SPOCK3: variants seen among roughly 807,000 people sequenced by gnomAD.
The protein encoded by SPOCK3 is testican-3.
Under a neutral mutation model 56.6 loss-of-function variants are expected in SPOCK3, and 30 were observed. The observed-to-expected ratio is 0.53, with a 90% CI of 0.40 to 0.72. The LOEUF (loss-of-function observed/expected upper bound fraction) is 0.72. Ranked by LOEUF, SPOCK3 falls within the 30% of genes least tolerant of loss-of-function variation. SPOCK3 has a pLI of 0.00. For missense variants in SPOCK3, 527 were observed against 530.0 expected (o/e 0.99, Z 0.06); for synonymous variants, 196 against 183.3 (o/e 1.07, Z -0.56).
rs184764406 is a variant in SPOCK3 at position 167,023,766 on chromosome 4, C to A, written c.236-23303G>T. Among the ~76,000 whole-genome samples, 18 of 152,068 alleles carry A rather than the reference C, an allele frequency of 1.2e-4. No individual in the cohort carries two copies. The East Asian group carries it at 3.5e-3, about 30-fold the overall frequency. On this transcript the variant is annotated intron_variant, in intron 3 of 10. Transcript: ENST00000357545. ...CTACTGGGACTTTGTATGTTTCCCA[C>A]GTGGAGAAATGGGCTAGAGAAAGGA...
At chr4:167,111,505 T>A (rs1208303495) in intron 2 of SPOCK3, among the ~76,000 whole-genome samples, 1 of 152,142 alleles carries the variant, frequency 6.6e-6, no homozygotes, top group African/African-American at 2.4e-5. Context: ...CTTAATTTTT[T>A]AAAATAACAA....
chr4:167,145,190 T>C (rs1480712508), intron 2 of SPOCK3, among the ~76,000 whole-genome samples: 1 of 152,052 alleles, frequency 6.6e-6, no homozygotes, highest in Non-Finnish European at 1.5e-5. Flanking sequence ...AAGGATTATT[T>C]TGTTTGTTTC....
chr4:167,084,288 G>A (rs1367515248), intron 2 of SPOCK3, among the ~76,000 whole-genome samples: 2 of 152,038 alleles, frequency 1.3e-5, no homozygotes, highest in East Asian at 3.9e-4. Flanking sequence ...CTCCAAACAG[G>A]AAATGTACAT....
intron 2 of SPOCK3, among the ~76,000 whole-genome samples, chr4:167,191,869 A>G (rs1331841943): frequency 6.9e-6 from 1 of 145,598 alleles, no homozygotes; most frequent in Non-Finnish European, 1.5e-5. Context: ...GATCTTAGGA[A>G]AAAAACCTTC....
chr4:166,919,680 T>A (rs1738271888), intron 4 of SPOCK3, among the ~76,000 whole-genome samples: 1 of 152,166 alleles, frequency 6.6e-6, no homozygotes. Context: ...CAAATGATCT[T>A]CATTGTATAA....
intron 4 of SPOCK3, among the ~76,000 whole-genome samples, chr4:166,967,284 T>C (rs924411292): frequency 6.6e-6 from 1 of 152,200 alleles, no homozygotes; most frequent in African/African-American, 2.4e-5. Flanking sequence ...GTACAGCTGG[T>C]TATCCAGTGC....
intron 2 of SPOCK3, among the ~76,000 whole-genome samples, chr4:167,091,304 T>C (rs1427636): frequency 0.028 from 4,250 of 152,272 alleles, 174 homozygotes; most frequent in African/African-American, 0.096. Context: ...CAAGTACTAA[T>C]AACATGCTAC....
intron 6 of SPOCK3, among the ~76,000 whole-genome samples, chr4:166,807,578 C>T (rs1422587230): frequency 6.6e-6 from 1 of 152,108 alleles, no homozygotes; most frequent in Non-Finnish European, 1.5e-5. Flanking sequence ...GAAGTCAAGA[C>T]CACTGCTGCC....
chr4:167,230,731 G>A (rs1400877705), intron 2 of SPOCK3, among the ~76,000 whole-genome samples: 2 of 151,996 alleles, frequency 1.3e-5, no homozygotes, highest in Non-Finnish European at 2.9e-5. Flanking sequence ...ATCCTTATCA[G>A]AATTTTTATA....
At chr4:167,037,184 G>A (rs1305543706) in intron 3 of SPOCK3, among the ~76,000 whole-genome samples, 1 of 152,054 alleles carries the variant, frequency 6.6e-6, no homozygotes, top group Non-Finnish European at 1.5e-5. Context: ...ACACTATGCA[G>A]GTAAAAGATT....
At chr4:166,743,246 T>C (rs1317641875) in intron 8 of SPOCK3, among the ~76,000 whole-genome samples, 2 of 152,058 alleles carry the variant, frequency 1.3e-5, no homozygotes, top group Non-Finnish European at 2.9e-5. Context: ...TAATATACTA[T>C]ATCTTATTGT....
At chr4:166,853,860 C>T (rs180951036) in intron 6 of SPOCK3, among the ~76,000 whole-genome samples, 15 of 151,072 alleles carry the variant, frequency 9.9e-5, no homozygotes, top group African/African-American at 2.2e-4. Context: ...CCACCCTGGG[C>T]GACAGAGGAA....
intron 3 of SPOCK3, among the ~76,000 whole-genome samples, chr4:167,032,075 C>G (rs1396412403): frequency 7.2e-6 from 1 of 139,448 alleles, no homozygotes; most frequent in Admixed American, 6.8e-5. Context: ...AACAGAAAAT[C>G]TGAATTTAGA....
chr4:167,152,830 T>C (rs1764530608), intron 2 of SPOCK3, among the ~76,000 whole-genome samples: 1 of 152,162 alleles, frequency 6.6e-6, no homozygotes. Context: ...AAAATATGTT[T>C]TTTAAAATTT....
At chr4:167,101,786 G>C (rs1180194662) in intron 2 of SPOCK3, among the ~76,000 whole-genome samples, 2 of 145,222 alleles carry the variant, frequency 1.4e-5, no homozygotes, top group African/African-American at 5.1e-5. Context: ...GCAGTGATGC[G>C]ATCTTGGCTC....
Position 166,885,961 on chromosome 4 carries a change from G to T in SPOCK3, c.589+3169C>A, listed in dbSNP as rs561873740. On this transcript the variant is annotated intron_variant, in intron 6 of 10. Coordinates refer to ENST00000357545, the MANE Select transcript of SPOCK3 (RefSeq NM_001040159.2). The stretch of plus-strand genomic sequence containing the variant: ...AAGTTTACTGTGCTTATGTACCATT[G>T]TTGTGTAGACAATTTAAGATTTGTC... Among the ~76,000 whole-genome samples the T allele has an allele frequency of 1.4e-3, 211 of 152,208 alleles. 2 individuals carry two copies. Among genetic ancestry groups the T allele is most frequent in the African/African-American group, 4.8e-3 (200 of 41,544 alleles).
At chr4:166,776,020 G>A (rs1484366288) in intron 7 of SPOCK3, among the ~76,000 whole-genome samples, 1 of 152,038 alleles carries the variant, frequency 6.6e-6, no homozygotes, top group African/African-American at 2.4e-5. Flanking sequence ...CAACACATGA[G>A]GTAAAATTTG....
chr4:166,966,415 A>G (rs1744741734), intron 4 of SPOCK3, among the ~76,000 whole-genome samples: 2 of 152,208 alleles, frequency 1.3e-5, no homozygotes, highest in South Asian at 4.2e-4. Flanking sequence ...CTTCAGCTCA[A>G]TCATACAAGT....
At chr4:166,863,786 A>G (rs1424321894) in intron 6 of SPOCK3, among the ~76,000 whole-genome samples, 1 of 152,188 alleles carries the variant, frequency 6.6e-6, no homozygotes, top group African/African-American at 2.4e-5. Flanking sequence ...TTCATAAAGC[A>G]AGTTCTTAGA....
Sources: gnomAD v4.1 joint callset for allele counts (sites outside exome capture counted in the v4.1 genomes callset) on GRCh38, gnomAD v4.1.1 for gene constraint, MANE v1.5 for transcripts, NCBI Gene and HGNC (gene_info 2026-07-23, HGNC 2026-07-21) for gene names.